NCKAP5: variants seen among roughly 807,000 people sequenced by gnomAD.
NCKAP5 encodes nck-associated protein 5.
NCKAP5 carries 92 observed loss-of-function variants against 167.0 expected under a neutral mutation model. That is an observed-to-expected ratio of 0.55 (90% confidence interval 0.47 to 0.66). The LOEUF is 0.66. NCKAP5 is among the 30% of genes least tolerant of loss of function. The pLI, the probability that NCKAP5 is intolerant of heterozygous loss-of-function variation, is 0.00. For synonymous variants in NCKAP5, 891 were observed against 877.4 expected (o/e 1.02, Z -0.27); for missense variants, 2,378 against 2,315.0 (o/e 1.03, Z -0.56).
At chr2:133,503,631 C>A (rs1320548655) in intron 3 of NCKAP5, among the ~76,000 whole-genome samples, 2 of 152,216 alleles carry the variant, frequency 1.3e-5, no homozygotes, top group African/African-American at 4.8e-5. Context: ...AATATGCTTT[C>A]TGTAACAACC....
chr2:133,530,822 A>C (rs1486358985), intron 2 of NCKAP5, among the ~76,000 whole-genome samples: 2 of 152,180 alleles, frequency 1.3e-5, no homozygotes, highest in African/African-American at 2.4e-5. Flanking sequence ...GAAGAAGCCC[A>C]GTCTAGCCCA....
chr2:133,333,334 G>A (rs1471521501), intron 3 of NCKAP5, among the ~76,000 whole-genome samples: 1 of 152,208 alleles, frequency 6.6e-6, no homozygotes, highest in African/African-American at 2.4e-5. Context: ...TTAGTCAGCA[G>A]AGGGTATGAT....
Position 133,102,744 on chromosome 2 carries a change from AACACACACACACACACACACACACAC to A in NCKAP5, c.341+27208_341+27233del, listed in dbSNP as rs3051212. On this transcript the variant is annotated intron_variant, in intron 6 of 19. Transcript: ENST00000409261. ...AACTGACAGGTTAGACAAGCATGTAAACACACACACACACACACACACACACACACACACACACACACACACTGTAC... is the reference window on the plus strand; with the variant it reads ...AACTGACAGGTTAGACAAGCATGTAAACACACACACACACACACACTGTAC... Among the ~76,000 whole-genome samples the A allele has an allele frequency of 4.7e-3, 630 of 135,216 alleles. 10 individuals carry two copies. Among genetic ancestry groups the A allele is most frequent in the African/African-American group, 0.016 (614 of 37,358 alleles). The allele number at this position is 135,216 out of a possible 152,430, so 88.7% of individuals were successfully genotyped here.
chr2:133,579,570 G>A, the NCKAP5 span, among the ~76,000 whole-genome samples: 1 of 152,194 alleles, frequency 6.6e-6, no homozygotes, highest in African/African-American at 2.4e-5. Context: ...AGGTCTGCAT[G>A]TGAAGGCAGA....
At chr2:133,334,711 G>A (rs1037268268) in intron 3 of NCKAP5, among the ~76,000 whole-genome samples, 7 of 152,188 alleles carry the variant, frequency 4.6e-5, no homozygotes, top group African/African-American at 1.7e-4. Context: ...CTTGAAGGAG[G>A]CTGCTGCCCG....
At chr2:133,505,944 T>C (rs566848544) in intron 3 of NCKAP5, among the ~76,000 whole-genome samples, 1 of 152,244 alleles carries the variant, frequency 6.6e-6, no homozygotes, top group Non-Finnish European at 1.5e-5. Flanking sequence ...TTCCTTGTTC[T>C]TTATTTCACT....
chr2:133,226,013 A>C (rs1379990113), intron 4 of NCKAP5, among the ~76,000 whole-genome samples: 1 of 151,428 alleles, frequency 6.6e-6, no homozygotes, highest in Non-Finnish European at 1.5e-5. Flanking sequence ...CAATCTCTTG[A>C]CCTTGTGATC....
chr2:132,764,557 T>A (rs1441388108), intron 16 of NCKAP5, among the ~76,000 whole-genome samples: 1 of 152,252 alleles, frequency 6.6e-6, no homozygotes, highest in East Asian at 1.9e-4. Context: ...AGTAAAATTA[T>A]CCTGGCAAGT....
chr2:132,694,135 A>ATTTATTTATTTATTTT (rs1573898381), intron 19 of NCKAP5, among the ~76,000 whole-genome samples: 2 of 149,840 alleles, frequency 1.3e-5, no homozygotes, highest in Admixed American at 6.6e-5. Flanking sequence ...TTATTTATTT[A>ATTTATTTATTTATTTT]TTTTTTGAAT....
chr2:133,467,587 A>G (rs1692698943), intron 3 of NCKAP5, among the ~76,000 whole-genome samples: 1 of 150,324 alleles, frequency 6.7e-6, no homozygotes, highest in Admixed American at 6.6e-5. Flanking sequence ...AAGGAATGGT[A>G]CCAGTTCCTC....
At chr2:132,698,856 CAAAA>C (rs1294093439) in intron 19 of NCKAP5, among the ~76,000 whole-genome samples, 2 of 146,734 alleles carry the variant, frequency 1.4e-5, no homozygotes, top group Admixed American at 6.8e-5. Flanking sequence ...AACAAACAAA[CAAAA>C]AAAAAAGTGC....
intron 3 of NCKAP5, among the ~76,000 whole-genome samples, chr2:133,350,574 C>A (rs1363987336): frequency 1.3e-5 from 2 of 152,124 alleles, no homozygotes; most frequent in East Asian, 3.9e-4. Context: ...TTTGGTTTGG[C>A]CAAGACAGTT....
In NCKAP5 at chr2:132,995,985, T is replaced by A. The variant is rs548776300; in HGVS notation, c.342-1746A>T. Reference sequence around the variant, plus strand: ...ACAAAACTCTGTCTCAAAAAAAAAATTTTTTTTACATTATTTTATTAAAAA... The same window carrying A: ...ACAAAACTCTGTCTCAAAAAAAAAAATTTTTTTACATTATTTTATTAAAAA... On this transcript the variant is annotated intron_variant, in intron 6 of 19. Transcript: ENST00000409261. 1.7e-3 allele frequency among the ~76,000 whole-genome samples: 265 copies of A among 151,552 alleles called. 1 individual carries two copies. Among genetic ancestry groups the A allele is most frequent in the Middle Eastern group, 3.4e-3 (1 of 290 alleles).
chr2:132,726,651 T>C (rs116278060), intron 18 of NCKAP5, among the ~76,000 whole-genome samples: 34 of 152,354 alleles, frequency 2.2e-4, no homozygotes, highest in African/African-American at 7.5e-4. Context: ...GGGTGTCATT[T>C]GGTTGGGGAA....
At chr2:133,291,853 G>T (rs1210502519) in intron 4 of NCKAP5, among the ~76,000 whole-genome samples, 2 of 152,178 alleles carry the variant, frequency 1.3e-5, no homozygotes, top group East Asian at 1.9e-4. Context: ...CTGATTCTTT[G>T]ATTCAAGGAA....
At position 132,728,847 on chromosome 2, in the gene NCKAP5, C is replaced by G. The variant is rs760140062; in HGVS notation, c.5549G>C (p.Trp1850Ser). The change falls in exon 18 of 20, where the codon TGG becomes TCG. Residue 1850 changes from tryptophan (W) to serine (S), a missense_variant. This residue lies in a region of NCKAP5 where 1,325 missense variants were observed against 1,274.5 expected (regional missense o/e 1.04). Coordinates refer to ENST00000409261, the MANE Select transcript of NCKAP5 (RefSeq NM_207363.3). Reference sequence around the variant, plus strand: ...CCCGGTGGCAGCAACTTCACTCCCCCAGTCTGGAAGCGGCTGGCTTGCCAT... The same window carrying G: ...CCCGGTGGCAGCAACTTCACTCCCCGAGTCTGGAAGCGGCTGGCTTGCCAT... ...DPMASQPLPD[W>S]GSEVAATGTQ... 2.4e-5 allele frequency: 38 copies of G among 1,613,836 alleles called. No individual in the cohort carries two copies. The Admixed American group carries it at 4.5e-4, about 19-fold the overall frequency.
At chr2:133,620,803 C>T in the NCKAP5 span, among the ~76,000 whole-genome samples, 1 of 152,112 alleles carries the variant, frequency 6.6e-6, no homozygotes, top group East Asian at 1.9e-4. Flanking sequence ...TTCTACCTAA[C>T]AACTGCAGAA....
At chr2:133,105,892 AT>A (rs1167962795) in intron 6 of NCKAP5, among the ~76,000 whole-genome samples, 2 of 152,168 alleles carry the variant, frequency 1.3e-5, no homozygotes, top group African/African-American at 4.8e-5. Context: ...TAACATGTTT[AT>A]ATTGCGCTTT....
At chr2:133,293,134 T>C (rs1397800421) in intron 4 of NCKAP5, among the ~76,000 whole-genome samples, 2 of 152,080 alleles carry the variant, frequency 1.3e-5, no homozygotes, top group Non-Finnish European at 2.9e-5. Flanking sequence ...AATGCCCCAG[T>C]GGAATAATCT....
Sources: allele counts gnomAD v4.1 joint callset (sites outside exome capture counted in the v4.1 genomes callset), GRCh38; gene constraint gnomAD v4.1.1; regional missense constraint gnomAD v4.1.1; transcripts MANE v1.5; gene names NCBI Gene and HGNC (gene_info 2026-07-23, HGNC 2026-07-21).